CCDC178: variants seen among roughly 807,000 people sequenced by gnomAD.
CCDC178 encodes coiled-coil domain containing 178, also known as coiled-coil domain-containing protein 178.
CCDC178 carries 126 observed loss-of-function variants against 117.4 expected under a neutral mutation model. That is an observed-to-expected ratio of 1.07 (90% CI 0.93 to 1.24). CCDC178 has a LOEUF of 1.24. Ranked by LOEUF, CCDC178 falls within the 50% of genes most tolerant of loss-of-function variation. The probability of loss-of-function intolerance (pLI) is 0.00; values close to 1 mark genes in which losing one functional copy is unlikely to be tolerated. For synonymous variants in CCDC178, 283 were observed against 313.4 expected (o/e 0.90, Z 1.02); for missense variants, 1,030 against 986.9 (o/e 1.04, Z -0.59).
chr18:33,062,786 A>G (rs2056945449), intron 21 of CCDC178, among the ~76,000 whole-genome samples: 1 of 151,982 alleles, frequency 6.6e-6, no homozygotes, highest in Non-Finnish European at 1.5e-5. Context: ...ACCATATTAC[A>G]TTCTGCCCTG....
intron 7 of CCDC178, among the ~76,000 whole-genome samples, chr18:33,355,259 G>C (rs2063037640): frequency 6.6e-6 from 1 of 152,118 alleles, no homozygotes; most frequent in Non-Finnish European, 1.5e-5. Flanking sequence ...GTTATTGTTT[G>C]TTTAGTGACT....
chr18:33,411,483 C>A (rs569470186), intron 3 of CCDC178, among the ~76,000 whole-genome samples: 5 of 152,174 alleles, frequency 3.3e-5, no homozygotes, highest in African/African-American at 9.6e-5. Context: ...TGTTTTATAT[C>A]ATGCAAAGAT....
intron 21 of CCDC178, among the ~76,000 whole-genome samples, chr18:33,091,676 A>G (rs1228638078): frequency 6.6e-6 from 1 of 152,038 alleles, no homozygotes; most frequent in East Asian, 1.9e-4. Context: ...CTCTTTCCCA[A>G]TGTATTCAGA....
At chr18:33,371,558 T>G (rs1014515190) in intron 5 of CCDC178, among the ~76,000 whole-genome samples, 2 of 151,960 alleles carry the variant, frequency 1.3e-5, no homozygotes, top group Non-Finnish European at 2.9e-5. Flanking sequence ...AGGCTGTTTT[T>G]ATATTTTAAA....
intron 21 of CCDC178, among the ~76,000 whole-genome samples, chr18:33,053,380 T>C (rs976955966): frequency 2.0e-5 from 3 of 152,172 alleles, no homozygotes; most frequent in Admixed American, 6.5e-5. Flanking sequence ...GTGATTCAAA[T>C]AGTTGAGGGC....
At chr18:33,209,892 T>C (rs2144583719) in intron 20 of CCDC178, among the ~76,000 whole-genome samples, 1 of 151,758 alleles carries the variant, frequency 6.6e-6, no homozygotes, top group East Asian at 1.9e-4. Flanking sequence ...GTAGGAAGTA[T>C]CAGGAAAAGA....
At chr18:33,157,955 G>A (rs1031197006) in intron 20 of CCDC178, among the ~76,000 whole-genome samples, 3 of 152,092 alleles carry the variant, frequency 2.0e-5, no homozygotes, top group African/African-American at 7.2e-5. Context: ...TAAAACGTAG[G>A]TGTAACTTTT....
At chr18:33,071,820 C>T (rs868364990) in intron 21 of CCDC178, among the ~76,000 whole-genome samples, 6 of 152,096 alleles carry the variant, frequency 3.9e-5, no homozygotes, top group Admixed American at 2.6e-4. Context: ...ATCCAGTCAA[C>T]TGCTATTAGA....
At chr18:32,985,003 T>G (rs934894729) in intron 21 of CCDC178, among the ~76,000 whole-genome samples, 2 of 151,904 alleles carry the variant, frequency 1.3e-5, no homozygotes, top group East Asian at 3.9e-4. Context: ...CAGTATATCT[T>G]TATAGTCTTC....
At chr18:33,333,147 G>A (rs1599175255) in intron 10 of CCDC178, 27 bp downstream of exon 10, 1 of 1,332,066 alleles carries the variant, frequency 7.5e-7, no homozygotes, top group East Asian at 2.4e-5. Flanking sequence ...AATAATTTAT[G>A]AAATGCTCAT....
At chr18:33,267,588 T>C (rs940359178) in intron 12 of CCDC178, among the ~76,000 whole-genome samples, 35 of 151,730 alleles carry the variant, frequency 2.3e-4, no homozygotes, top group African/African-American at 8.0e-4. Flanking sequence ...AAAGAAACAA[T>C]AGCAAATACC....
At chr18:33,248,960 T>C (rs2059583976) in intron 14 of CCDC178, among the ~76,000 whole-genome samples, 1 of 152,148 alleles carries the variant, frequency 6.6e-6, no homozygotes, top group Non-Finnish European at 1.5e-5. Context: ...ATCGCCATTC[T>C]AACTGGTGTG....
chr18:33,301,882 CT>C (rs1240878340), intron 11 of CCDC178, among the ~76,000 whole-genome samples: 4 of 151,996 alleles, frequency 2.6e-5, no homozygotes, highest in South Asian at 4.1e-4. Flanking sequence ...TGAGTTAAGA[CT>C]TTTTTTTATT....
chr18:33,369,547 T>C (rs1461649596), intron 6 of CCDC178, among the ~76,000 whole-genome samples: 2 of 151,992 alleles, frequency 1.3e-5, no homozygotes, highest in Admixed American at 6.6e-5. Flanking sequence ...TTGAAAATAA[T>C]TGCCTTTCAA....
intron 22 of CCDC178, among the ~76,000 whole-genome samples, chr18:32,962,733 T>TG (rs1027697555): frequency 6.6e-6 from 1 of 152,006 alleles, no homozygotes; most frequent in Non-Finnish European, 1.5e-5. Context: ...GTATCTCTTT[T>TG]GGGGGGTTCT....
chr18:33,270,286 T>A (rs2059871739), intron 12 of CCDC178, among the ~76,000 whole-genome samples: 1 of 151,160 alleles, frequency 6.6e-6, no homozygotes, highest in South Asian at 2.1e-4. Flanking sequence ...GTAAAAGTAG[T>A]CAAAGAAGAA....
At chr18:33,179,078 A>AATATATATAT (rs1555656270) in intron 20 of CCDC178, among the ~76,000 whole-genome samples, 37 of 55,810 alleles carry the variant, frequency 6.6e-4, no homozygotes, top group African/African-American at 1.6e-3. Flanking sequence ...AAAAAAAAAA[A>AATATATATAT]ATATATATAT....
chr18:33,069,218 C>T (rs556178172), intron 21 of CCDC178, among the ~76,000 whole-genome samples: 1 of 152,148 alleles, frequency 6.6e-6, no homozygotes, highest in Non-Finnish European at 1.5e-5. Flanking sequence ...GGCTGAATAG[C>T]CAAAGCAATC....
At chr18:33,376,637 G>T (rs957781983) in intron 5 of CCDC178, among the ~76,000 whole-genome samples, 1 of 152,014 alleles carries the variant, frequency 6.6e-6, no homozygotes. Context: ...AGTGTCTATT[G>T]ATGCCATCTT....
Sources: allele counts gnomAD v4.1 joint callset (sites outside exome capture counted in the v4.1 genomes callset), GRCh38; gene constraint gnomAD v4.1.1; transcripts MANE v1.5; gene names NCBI Gene and HGNC (gene_info 2026-07-23, HGNC 2026-07-21).